The following ACVR1C variants were observed in gnomAD, a reference collection of about 807,000 sequenced individuals.
ACVR1C encodes the protein activin receptor type-1C.
Under a neutral mutation model 57.9 loss-of-function variants are expected in ACVR1C, and 23 were observed. The observed-to-expected ratio is 0.40, with a 90% CI of 0.29 to 0.56. The LOEUF (loss-of-function observed/expected upper bound fraction) is 0.56, where lower values mean the gene tolerates loss of function less well. ACVR1C is among the 20% of genes least tolerant of loss of function. ACVR1C has a pLI of 0.50. For missense variants in ACVR1C, 480 were observed against 607.9 expected, an observed-to-expected ratio of 0.79 and a Z score of 2.21; for synonymous variants, 214 against 215.3, an observed-to-expected ratio of 0.99 and a Z score of 0.05.
In ACVR1C at chr2:157,527,893, A is replaced by G. The variant is rs1390811635; in HGVS notation, c.*6025T>C. On this transcript the variant is annotated 3_prime_UTR_variant, in exon 9 of 9. Coordinates refer to ENST00000243349, the MANE Select transcript of ACVR1C (RefSeq NM_145259.3). ...GCTCCATGCATAGAATGAAAACTGT[A>G]TGGACGATATCAAAATTGGGGTCCA... 1 of 152,192 alleles carries G rather than the reference A, an allele frequency of 6.6e-6. No homozygotes were observed. Among genetic ancestry groups the G allele is most frequent in the Non-Finnish European group, 1.5e-5 (1 of 68,022 alleles). The allele number at this position is 152,192 out of a possible 1,614,324, so 9.4% of individuals were successfully genotyped here. A position where few individuals can be genotyped will look rare whatever the true frequency, so the allele number is the denominator to read the frequency against.
rs1351983572 is a variant in ACVR1C at position 157,538,713 on chromosome 2, AT to A, written c.1226-11del. 12 of 1,460,134 alleles carry A rather than the reference AT, an allele frequency of 8.2e-6. No homozygotes were observed. The highest frequency in any genetic ancestry group is 1.1e-5 in the Non-Finnish European group (12 of 1,105,250). The allele number at this position is 1,460,134 out of a possible 1,614,324, so 90.4% of individuals were successfully genotyped here. Reference sequence around the variant, plus strand: ...TACTCCTCAACAATTCCTGTAAGAAATTTGTATAATAAATTTCCATGTGCAA... The same window carrying A: ...TACTCCTCAACAATTCCTGTAAGAAATTGTATAATAAATTTCCATGTGCAA... On this transcript the variant is annotated splice_polypyrimidine_tract_variant and intron_variant, in intron 7 of 8. Transcript: ENST00000243349.
In ACVR1C at chr2:157,550,236, C is replaced by T. The variant is rs756388591; in HGVS notation, c.701G>A (p.Arg234His). ...FSSRDERSWF[R>H]EAEIYQTVML... ...GACCGTCTGGTAAATTTCTGCCTCACGAAACCAAGATCTTTCATCTCTGGA... is the reference window on the plus strand; with the variant it reads ...GACCGTCTGGTAAATTTCTGCCTCATGAAACCAAGATCTTTCATCTCTGGA... The change falls in exon 4 of 9, where the codon CGT (arginine) becomes CAT (histidine). Residue 234 changes from arginine to histidine, a missense_variant. Arg to His is a conservative substitution (Grantham distance 29). Transcript: ENST00000243349. 3 of 1,614,056 alleles carry T rather than the reference C, an allele frequency of 1.9e-6. No individual in the cohort carries two copies. The highest frequency in any genetic ancestry group is 2.2e-5 in the East Asian group (1 of 44,876).
intron 1 of ACVR1C, among the ~76,000 whole-genome samples, chr2:157,621,163 T>C (rs981275672): frequency 2.0e-5 from 3 of 152,180 alleles, no homozygotes; most frequent in Admixed American, 6.5e-5. Context: ...TTGAGATTAA[T>C]TTAAAACAGC....
rs1236324879 is a variant in ACVR1C, at chr2:157,546,489, T to C, written c.776-1877A>G. On this transcript the variant is annotated intron_variant, in intron 4 of 8. Coordinates refer to ENST00000243349, the MANE Select transcript of ACVR1C (RefSeq NM_145259.3). Reference sequence around the variant, plus strand: ...TAAGTTTATATTAGATAAAATTAACTATAGGTTCTTAATTTTCACAGGCAA... The same window carrying C: ...TAAGTTTATATTAGATAAAATTAACCATAGGTTCTTAATTTTCACAGGCAA... 3.9e-5 allele frequency among the ~76,000 whole-genome samples: 6 copies of C among 152,296 alleles called. No individual in the cohort carries two copies. The East Asian group carries it at 9.6e-4, about 24-fold the overall frequency.
chr2:157,593,480 G>A (rs1681995039), intron 1 of ACVR1C, among the ~76,000 whole-genome samples: 1 of 152,076 alleles, frequency 6.6e-6, no homozygotes. Flanking sequence ...TTTTAGACCA[G>A]GCTATGAAAC....
chr2:157,593,912 C>G (rs993285087), intron 1 of ACVR1C, among the ~76,000 whole-genome samples: 6 of 152,176 alleles, frequency 3.9e-5, no homozygotes, highest in Non-Finnish European at 8.8e-5. Context: ...TACTACTTCT[C>G]AGGCTGCAAC....
At chr2:157,577,582 TTTTG>T (rs1014081830) in intron 2 of ACVR1C, among the ~76,000 whole-genome samples, 2 of 152,190 alleles carry the variant, frequency 1.3e-5, no homozygotes, top group Non-Finnish European at 2.9e-5. Flanking sequence ...AAACTAACAC[TTTTG>T]TTTGTTTAAT....
rs1386760077 is a variant in ACVR1C at position 157,628,775 on chromosome 2, G to A, written c.-131C>T. The A allele has an allele frequency of 2.6e-6, 2 of 768,412 alleles. No individual in the cohort carries two copies. Among genetic ancestry groups the A allele is most frequent in the Non-Finnish European group, 3.9e-6 (2 of 514,260 alleles). The allele number at this position is 768,412 out of a possible 1,614,324, so 47.6% of individuals were successfully genotyped here. Reference sequence around the variant, plus strand: ...GCACCGACACCCTTTTGAAGTGCGCGGTTGGCTCTAGTCAGTGTGGGCGCC... The same window carrying A: ...GCACCGACACCCTTTTGAAGTGCGCAGTTGGCTCTAGTCAGTGTGGGCGCC... On this transcript the variant is annotated 5_prime_UTR_variant, in exon 1 of 9. Transcript: ENST00000243349.
intron 1 of ACVR1C, among the ~76,000 whole-genome samples, chr2:157,604,268 T>G (rs1682344024): frequency 6.6e-6 from 1 of 152,056 alleles, no homozygotes; most frequent in Non-Finnish European, 1.5e-5. Context: ...TATACTACTT[T>G]TTAGACATTT....
At chr2:157,538,254 A>G (rs1687534118) in intron 8 of ACVR1C, among the ~76,000 whole-genome samples, 1 of 152,208 alleles carries the variant, frequency 6.6e-6, no homozygotes, top group Admixed American at 6.5e-5. Flanking sequence ...GTGTCCAAGG[A>G]TCAGATCAGA....
chr2:157,544,819 C>A (rs182929495), intron 4 of ACVR1C, among the ~76,000 whole-genome samples: 3 of 152,194 alleles, frequency 2.0e-5, no homozygotes, highest in Admixed American at 2.0e-4. Context: ...TATGTGCCCA[C>A]CATAAAAATA....
intron 1 of ACVR1C, among the ~76,000 whole-genome samples, chr2:157,625,545 A>C (rs1338781027): frequency 3.7e-5 from 5 of 136,640 alleles, no homozygotes. Flanking sequence ...TTCCAGCAAC[A>C]CTGTGGAAAA....
Position 157,529,788 on chromosome 2 carries a change from T to C in ACVR1C, c.*4130A>G, listed in dbSNP as rs1687315270. On this transcript the variant is annotated 3_prime_UTR_variant, in exon 9 of 9. Transcript: ENST00000243349. ...AAAAAGTGAGAAAAATAATGAAATA[T>C]AAAGCAAGGCTAGATGAAAAAAAGA... 1 of 151,986 alleles carries C rather than the reference T, an allele frequency of 6.6e-6. No homozygotes were observed. The highest frequency in any genetic ancestry group is 1.5e-5 in the Non-Finnish European group (1 of 67,926). The allele number at this position is 151,986 out of a possible 1,614,324, so 9.4% of individuals were successfully genotyped here.
chr2:157,627,721 T>G (rs931340465), intron 1 of ACVR1C, among the ~76,000 whole-genome samples: 22 of 152,228 alleles, frequency 1.4e-4, no homozygotes, highest in Non-Finnish European at 2.8e-4. Context: ...TAGAAATTTT[T>G]AAAGAATGAG....
chr2:157,554,285 G>GAA (rs1558975244), intron 3 of ACVR1C, among the ~76,000 whole-genome samples: 1 of 82,206 alleles, frequency 1.2e-5, no homozygotes, highest in African/African-American at 6.5e-5. Flanking sequence ...GGAAGGAAGA[G>GAA]AGAGAGAGAG....
At chr2:157,548,086 G>A (rs1210953496) in intron 4 of ACVR1C, among the ~76,000 whole-genome samples, 1 of 151,498 alleles carries the variant, frequency 6.6e-6, no homozygotes, top group East Asian at 1.9e-4. Flanking sequence ...AAAGTCTCAG[G>A]ATACAAAATC....
intron 1 of ACVR1C, among the ~76,000 whole-genome samples, chr2:157,627,612 T>A (rs531004762): frequency 1.1e-3 from 162 of 152,318 alleles, no homozygotes; most frequent in Middle Eastern, 0.01. Context: ...AAACAGATTG[T>A]CATCTGGGAA....
intron 1 of ACVR1C, among the ~76,000 whole-genome samples, chr2:157,588,879 A>ATATATAT (rs59280026): frequency 1.5e-5 from 2 of 133,798 alleles, no homozygotes; most frequent in Non-Finnish European, 3.2e-5. Context: ...ATATATATAT[A>ATATATAT]CGTGTGTGTG....
In ACVR1C at chr2:157,550,184, A is replaced by G. The variant is rs1442150168; in HGVS notation, c.753T>C (p.Gly251=). ...TVMLRHENIL[G]FIAADNKDNG... is the part of the protein sequence containing the mutation. ...TACCTTTGTTGTCAGCAGCAATGAA[A>G]CCAAGGATGTTTTCATGTCGCAGCA... Residue 251 remains glycine, a synonymous_variant, in exon 4 of 9, where the codon GGT becomes GGC. Transcript: ENST00000243349. 1 of 1,614,078 alleles carries G rather than the reference A, an allele frequency of 6.2e-7. No individual in the cohort carries two copies. Among genetic ancestry groups the G allele is most frequent in the African/African-American group, 1.3e-5 (1 of 75,020 alleles).
Sources: gnomAD v4.1 joint callset for allele counts (sites outside exome capture counted in the v4.1 genomes callset) on GRCh38, gnomAD v4.1.1 for gene constraint, MANE v1.5 for transcripts, NCBI Gene and HGNC (gene_info 2026-07-23, HGNC 2026-07-21) for gene names.